Variants in SEZ6L observed in about 807,000 individuals in gnomAD.
SEZ6L encodes the protein seizure related 6 homolog like.
Under a neutral mutation model 106.2 loss-of-function variants are expected in SEZ6L, and 37 were observed. The observed-to-expected ratio is 0.35, with a 90% confidence interval of 0.27 to 0.46. The LOEUF is 0.46. Among genes scored for constraint, SEZ6L ranks in the 20% least tolerant of loss-of-function variants. The pLI, the probability that SEZ6L is intolerant of heterozygous loss-of-function variation, is 1.00. For missense variants in SEZ6L, 1,172 were observed against 1,332.8 expected (o/e 0.88, Z 1.88); for synonymous variants, 541 against 570.4 (o/e 0.95, Z 0.73).
At chr22:26,182,993 C>T (rs557195942) in intron 1 of SEZ6L, among the ~76,000 whole-genome samples, 2 of 152,260 alleles carry the variant, frequency 1.3e-5, no homozygotes, top group South Asian at 4.2e-4. Flanking sequence ...CTTGTGTCTC[C>T]ACCAGACTCC....
chr22:26,169,689 C>CCGCCGCGGGA lies in SEZ6L; in HGVS notation c.22_31dup (p.Leu11ArgfsTer33). ...GCCACGATGCCCGCGGCCCGGCCGC[C>CCGCCGCGGGA]CGCCGCGGGACTCCGCGGGATCTCG... On this transcript the variant is annotated frameshift_variant, in exon 1 of 17. Transcript: ENST00000248933. LOFTEE classifies it high-confidence loss of function. 1 of 1,319,224 alleles carries CCGCCGCGGGA rather than the reference C, an allele frequency of 7.6e-7. No individual in the cohort carries two copies. Among genetic ancestry groups the CCGCCGCGGGA allele is most frequent in the Non-Finnish European group, 9.7e-7 (1 of 1,034,558 alleles). The allele number at this position is 1,319,224 out of a possible 1,614,324, so 81.7% of individuals were successfully genotyped here.
intron 1 of SEZ6L, among the ~76,000 whole-genome samples, chr22:26,290,461 G>A (rs2145877654): frequency 6.6e-6 from 1 of 152,358 alleles, no homozygotes; most frequent in South Asian, 2.1e-4. Context: ...GAACCCGGGA[G>A]GCGGAGCTTG....
intron 1 of SEZ6L, among the ~76,000 whole-genome samples, chr22:26,224,234 G>A (rs1239454216): frequency 6.6e-6 from 1 of 152,182 alleles, no homozygotes; most frequent in African/African-American, 2.4e-5. Flanking sequence ...ACTCATGCTG[G>A]CTCTCTCAGA....
chr22:26,221,281 T>C (rs1301502917), intron 1 of SEZ6L, among the ~76,000 whole-genome samples: 1 of 152,164 alleles, frequency 6.6e-6, no homozygotes, highest in South Asian at 2.1e-4. Context: ...TCAAGCCTTG[T>C]AGTGTTCCTC....
chr22:26,273,285 T>C (rs901114157), intron 1 of SEZ6L, among the ~76,000 whole-genome samples: 7 of 152,208 alleles, frequency 4.6e-5, no homozygotes, highest in African/African-American at 1.7e-4. Flanking sequence ...ATCATGCCTG[T>C]GAAGGGGGCC....
At chr22:26,291,076 A>G (rs1253467219) in intron 1 of SEZ6L, among the ~76,000 whole-genome samples, 13 of 152,262 alleles carry the variant, frequency 8.5e-5, no homozygotes, top group Admixed American at 4.6e-4. Flanking sequence ...CAATCCCATT[A>G]CTGGGTCCCA....
chr22:26,283,430 AG>A (rs147039954), intron 1 of SEZ6L, among the ~76,000 whole-genome samples: 1,867 of 152,314 alleles, frequency 0.012, 36 homozygotes, highest in African/African-American at 0.041. Flanking sequence ...TCTAGTCGAA[AG>A]CCCACGGCTT....
intron 10 of SEZ6L, among the ~76,000 whole-genome samples, chr22:26,345,040 T>C (rs934311878): frequency 1.3e-5 from 2 of 152,154 alleles, no homozygotes; most frequent in Non-Finnish European, 2.9e-5. Flanking sequence ...AAAAAATACA[T>C]GTTCCTGAGT....
chr22:26,247,878 C>T (rs1462210275), intron 1 of SEZ6L, among the ~76,000 whole-genome samples: 1 of 152,198 alleles, frequency 6.6e-6, no homozygotes, highest in East Asian at 1.9e-4. Flanking sequence ...AGTGCCAGCA[C>T]TTAAACGGTC....
chr22:26,347,622 T>A lies in SEZ6L; in HGVS notation c.2213-97T>A. 2.4e-5 allele frequency: 24 copies of A among 1,014,212 alleles called. No individual in the cohort carries two copies. In the South Asian group the frequency reaches 3.8e-4, roughly 16 times the overall value. 62.8% of individuals were successfully genotyped at this position (1,014,212 alleles called of 1,614,324 possible). A position where few individuals can be genotyped will look rare whatever the true frequency, so the allele number is the denominator to read the frequency against. On this transcript the variant is annotated intron_variant, in intron 10 of 16. Transcript: ENST00000248933. ...AAGCGTGTTGCTCATTTCTAGAGGC[T>A]TTTTTTTCTCTTCGCTCATCCCTCT...
At chr22:26,236,147 A>T (rs906828170) in intron 1 of SEZ6L, among the ~76,000 whole-genome samples, 3 of 152,222 alleles carry the variant, frequency 2.0e-5, no homozygotes, top group Admixed American at 2.0e-4. Context: ...CTCCAGGTGG[A>T]TGCAGGAAAG....
intron 3 of SEZ6L, among the ~76,000 whole-genome samples, chr22:26,295,567 T>A (rs1716247037): frequency 6.6e-6 from 1 of 152,192 alleles, no homozygotes; most frequent in East Asian, 1.9e-4. Flanking sequence ...TAATAATTGT[T>A]CATGGAATTA....
At chr22:26,271,544 C>T (rs996589915) in intron 1 of SEZ6L, among the ~76,000 whole-genome samples, 3 of 152,204 alleles carry the variant, frequency 2.0e-5, no homozygotes, top group Non-Finnish European at 2.9e-5. Flanking sequence ...TCATAAATGG[C>T]TTGGCGTCTT....
intron 12 of SEZ6L, among the ~76,000 whole-genome samples, chr22:26,361,784 A>T (rs1244065943): frequency 6.6e-6 from 1 of 152,058 alleles, no homozygotes; most frequent in Non-Finnish European, 1.5e-5. Context: ...TGGACACTTG[A>T]ACCCAAGCGC....
chr22:26,234,940 A>T (rs2078913780), intron 1 of SEZ6L, among the ~76,000 whole-genome samples: 1 of 152,196 alleles, frequency 6.6e-6, no homozygotes, highest in Non-Finnish European at 1.5e-5. Context: ...CAGGGTAGAG[A>T]TACCCCCAAC....
chr22:26,208,382 T>C (rs1941396977), intron 1 of SEZ6L, among the ~76,000 whole-genome samples: 1 of 152,256 alleles, frequency 6.6e-6, no homozygotes, highest in Admixed American at 6.5e-5. Flanking sequence ...TTCTGGGTGA[T>C]AGATTTTCTT....
At chr22:26,310,302 A>G (rs6005004) in intron 6 of SEZ6L, among the ~76,000 whole-genome samples, 39,108 of 152,042 alleles carry the variant, frequency 0.26, 5,497 homozygotes, top group African/African-American at 0.33. Flanking sequence ...TTGGGAGGCC[A>G]AGGCGGGTGG....
At chr22:26,238,101 G>A (rs9613137) in intron 1 of SEZ6L, among the ~76,000 whole-genome samples, 45,798 of 152,058 alleles carry the variant, frequency 0.3, 7,279 homozygotes, top group Middle Eastern at 0.4. Flanking sequence ...AACAGAGGTC[G>A]GGATTTGAGC....
intron 1 of SEZ6L, among the ~76,000 whole-genome samples, chr22:26,226,901 ATG>A (rs1040457819): frequency 1.3e-5 from 2 of 152,190 alleles, no homozygotes; most frequent in African/African-American, 4.8e-5. Context: ...ACCATGAAGA[ATG>A]AAACCACACA....
Sources: gnomAD v4.1 joint callset for allele counts (sites outside exome capture counted in the v4.1 genomes callset) on GRCh38, gnomAD v4.1.1 for gene constraint, MANE v1.5 for transcripts, NCBI Gene and HGNC (gene_info 2026-07-23, HGNC 2026-07-21) for gene names.